Variants in VAV2 observed in about 807,000 individuals in gnomAD.
VAV2 encodes guanine nucleotide exchange factor VAV2.
In VAV2, 67 loss-of-function variants were observed where a neutral mutation model predicts 132.5. That is an observed-to-expected ratio of 0.51 (90% confidence interval 0.42 to 0.62). The LOEUF is 0.62. Among genes scored for constraint, VAV2 ranks in the 20% least tolerant of loss-of-function variants. VAV2 has a pLI of 0.00. For synonymous variants in VAV2, 492 were observed against 443.5 expected (o/e 1.11, Z -1.37); for missense variants, 938 against 1,153.6 (o/e 0.81, Z 2.71).
At chr9:133,795,447 C>T (rs746318954) in intron 12 of VAV2, among the ~76,000 whole-genome samples, 12 of 152,050 alleles carry the variant, frequency 7.9e-5, no homozygotes, top group Non-Finnish European at 1.8e-4. Flanking sequence ...GGTTAGGACT[C>T]GGGACACCTG....
At chr9:133,766,980 T>C (rs1833459773) in intron 29 of VAV2, among the ~76,000 whole-genome samples, 1 of 151,710 alleles carries the variant, frequency 6.6e-6, no homozygotes, top group South Asian at 2.1e-4. Context: ...AGGTTACCAC[T>C]TAAGAAAAAA....
intron 4 of VAV2, among the ~76,000 whole-genome samples, chr9:133,825,800 C>CGGCCTCTCCCCTCCCAG (rs1835965185): frequency 6.6e-6 from 1 of 152,098 alleles, no homozygotes; most frequent in African/African-American, 2.4e-5. Flanking sequence ...GGGAGAAGCA[C>CGGCCTCTCCCCTCCCAG]GGCCTCTCCC....
intron 3 of VAV2, among the ~76,000 whole-genome samples, chr9:133,842,595 T>G: frequency 6.6e-6 from 1 of 152,176 alleles, no homozygotes; most frequent in East Asian, 1.9e-4. Context: ...GTGTTTCCAT[T>G]TATGGTGCTG....
chr9:133,950,359 C>A lies in VAV2; in HGVS notation c.205-11140G>T, dbSNP rs112597537. ...CCCGCCTCCAGTCCACAGTCAGACA[C>A]CGAATAAGAGGCACCTACTGCATGC... On this transcript the variant is annotated intron_variant, in intron 1 of 29. Transcript: ENST00000371850. Among the ~76,000 whole-genome samples the A allele has an allele frequency of 5.1e-3, 784 of 152,254 alleles. 6 individuals carry two copies. Among genetic ancestry groups the A allele is most frequent in the African/African-American group, 0.018 (733 of 41,544 alleles).
chr9:133,782,254 A>C (rs2502756), intron 19 of VAV2, among the ~76,000 whole-genome samples: 6 of 152,036 alleles, frequency 3.9e-5, no homozygotes, highest in Admixed American at 3.9e-4. Flanking sequence ...AATTTTTGAT[A>C]AGTAAACATT....
chr9:133,933,689 TGGA>T (rs1840773993), intron 2 of VAV2, among the ~76,000 whole-genome samples: 4 of 139,436 alleles, frequency 2.9e-5, no homozygotes, highest in Non-Finnish European at 4.7e-5. Flanking sequence ...AGATGAATGA[TGGA>T]TGGATGGATG....
At chr9:133,953,351 G>T (rs1050061336) in intron 1 of VAV2, among the ~76,000 whole-genome samples, 4 of 152,234 alleles carry the variant, frequency 2.6e-5, no homozygotes, top group African/African-American at 9.6e-5. Context: ...TGGGATGAAT[G>T]GGCACACAAT....
At chr9:133,819,948 G>T (rs1157486994) in intron 4 of VAV2, among the ~76,000 whole-genome samples, 1 of 152,218 alleles carries the variant, frequency 6.6e-6, no homozygotes, top group Non-Finnish European at 1.5e-5. Context: ...ATAAAACAAT[G>T]TTAATAATAT....
intron 2 of VAV2, among the ~76,000 whole-genome samples, chr9:133,938,297 G>A (rs1252073624): frequency 5.9e-5 from 9 of 152,126 alleles, no homozygotes; most frequent in African/African-American, 1.2e-4. Context: ...CAGCACCTCC[G>A]GCGTCCAGCC....
At chr9:133,852,355 A>C in intron 3 of VAV2, among the ~76,000 whole-genome samples, 1 of 148,510 alleles carries the variant, frequency 6.7e-6, no homozygotes, top group Non-Finnish European at 1.5e-5. Context: ...TAGATAAGTG[A>C]GTAGACAGAA....
intron 2 of VAV2, among the ~76,000 whole-genome samples, chr9:133,886,300 T>G (rs1190298130): frequency 6.6e-6 from 1 of 152,182 alleles, no homozygotes; most frequent in African/African-American, 2.4e-5. Flanking sequence ...ATCTGAGCAG[T>G]GGCCACAAAG....
At position 133,763,515 on chromosome 9, in the gene VAV2, G is replaced by C. The variant is rs192020616; in HGVS notation, c.*547C>G. 6.3e-6 allele frequency: 1 copy of C among 157,916 alleles called. No homozygotes were observed. Among genetic ancestry groups the C allele is most frequent in the East Asian group, 1.9e-4 (1 of 5,318 alleles). 9.8% of individuals were successfully genotyped at this position (157,916 alleles called of 1,614,324 possible). Reference sequence around the variant, plus strand: ...CAGTGCTCTCTCCTCCCGCGCCCTAGCACAGTGGGGCAAGTGGGCCCACAG... The same window carrying C: ...CAGTGCTCTCTCCTCCCGCGCCCTACCACAGTGGGGCAAGTGGGCCCACAG... On this transcript the variant is annotated 3_prime_UTR_variant, in exon 30 of 30. Coordinates refer to ENST00000371850, the MANE Select transcript of VAV2 (RefSeq NM_001134398.2). The surrounding 1 kb of genome is among the most constrained non-coding windows in gnomAD (Gnocchi z 6.8).
chr9:133,825,470 A>G (rs1284083112), intron 4 of VAV2, among the ~76,000 whole-genome samples: 1 of 152,030 alleles, frequency 6.6e-6, no homozygotes, highest in Non-Finnish European at 1.5e-5. Context: ...GTTTTCGTGG[A>G]GTCTGCTTTC....
intron 2 of VAV2, among the ~76,000 whole-genome samples, chr9:133,905,249 T>C (rs1216568952): frequency 2.1e-5 from 3 of 141,876 alleles, no homozygotes; most frequent in Non-Finnish European, 4.6e-5. Context: ...GCCAACACGG[T>C]GAAACCCCAT....
At chr9:133,957,739 C>A (rs370490496) in intron 1 of VAV2, among the ~76,000 whole-genome samples, 18 of 152,164 alleles carry the variant, frequency 1.2e-4, no homozygotes, top group African/African-American at 4.3e-4. Flanking sequence ...AACCCGAGAG[C>A]CTATGGCCAA....
At chr9:133,837,208 G>A (rs549533799) in intron 3 of VAV2, among the ~76,000 whole-genome samples, 6 of 152,276 alleles carry the variant, frequency 3.9e-5, no homozygotes, top group South Asian at 2.1e-4. Flanking sequence ...GTACTTAGGG[G>A]GGCCCAACAG....
At chr9:133,897,817 C>G (rs1382312284) in intron 2 of VAV2, among the ~76,000 whole-genome samples, 1 of 152,146 alleles carries the variant, frequency 6.6e-6, no homozygotes, top group African/African-American at 2.4e-5. Context: ...AAAAAGGTCA[C>G]TGGTATTAAT....
Position 133,802,801 on chromosome 9 carries a change from G to A in VAV2, c.836+3280C>T, listed in dbSNP as rs959053753. Among the ~76,000 whole-genome samples, 14 of 152,216 alleles carry A rather than the reference G, an allele frequency of 9.2e-5. No individual in the cohort carries two copies. The highest frequency in any genetic ancestry group is 1.5e-4 in the Non-Finnish European group (10 of 68,034). On this transcript the variant is annotated intron_variant, in intron 9 of 29. Transcript: ENST00000371850. The surrounding 1 kb of genome is among the most constrained non-coding windows in gnomAD (Gnocchi z 5.8). ...CAACCTCTCAAGATGCCCAGGGACA[G>A]GCCAGCGTGGATTGAGGACCACAGG...
chr9:133,930,790 C>A (rs1358302470), intron 2 of VAV2, among the ~76,000 whole-genome samples: 2 of 152,128 alleles, frequency 1.3e-5, no homozygotes, highest in East Asian at 3.9e-4. Flanking sequence ...GCAGGAGAGG[C>A]CGGCACTCAG....
Sources: allele counts gnomAD v4.1 joint callset (sites outside exome capture counted in the v4.1 genomes callset), GRCh38; gene constraint gnomAD v4.1.1; non-coding constraint Gnocchi (gnomAD v3.1); transcripts MANE v1.5; gene names NCBI Gene and HGNC (gene_info 2026-07-23, HGNC 2026-07-21).